Variants in ME1 observed in about 807,000 individuals in gnomAD.
ME1 encodes the protein NADP-dependent malic enzyme.
ME1 carries 74 observed loss-of-function variants against 66.4 expected under a neutral mutation model. That is an observed-to-expected ratio of 1.11 (90% confidence interval 0.92 to 1.35). The LOEUF (loss-of-function observed/expected upper bound fraction) is 1.35, where lower values mean the gene tolerates loss of function less well. Among genes scored for constraint, ME1 ranks in the 40% most tolerant of loss-of-function variants. The pLI, the probability that ME1 is intolerant of heterozygous loss-of-function variation, is 0.00. For missense variants in ME1, 750 were observed against 694.1 expected, an observed-to-expected ratio of 1.08 and a Z score of -0.90; for synonymous variants, 251 against 235.6, an observed-to-expected ratio of 1.07 and a Z score of -0.60.
intron 3 of ME1, among the ~76,000 whole-genome samples, chr6:83,367,905 G>A (rs1010996288): frequency 8.5e-5 from 13 of 152,144 alleles, no homozygotes; most frequent in African/African-American, 3.1e-4. Context: ...TGGCACAAGA[G>A]GCCTAGCTTG....
At chr6:83,302,571 C>T (rs1188451840) in intron 6 of ME1, among the ~76,000 whole-genome samples, 6 of 152,106 alleles carry the variant, frequency 3.9e-5, no homozygotes, top group Non-Finnish European at 4.4e-5. Context: ...CAAATAAATA[C>T]ATATAATTAC....
Position 83,431,002 on chromosome 6 carries a change from G to C in ME1, c.-48C>G. The C allele has an allele frequency of 1.6e-6, 2 of 1,254,540 alleles. No homozygotes were observed. Among genetic ancestry groups the C allele is most frequent in the Non-Finnish European group, 2.1e-6 (2 of 939,942 alleles). 77.7% of individuals were successfully genotyped at this position (1,254,540 alleles called of 1,614,324 possible). On this transcript the variant is annotated 5_prime_UTR_variant, in exon 1 of 14. Transcript: ENST00000369705. ...GGGGTCAGGCCGGGGCGGGCCGCAC[G>C]CGCGGTGCAGGCGGCGGATGCTGCT...
intron 3 of ME1, among the ~76,000 whole-genome samples, chr6:83,378,777 A>G (rs1411730195): frequency 6.6e-6 from 1 of 151,936 alleles, no homozygotes; most frequent in African/African-American, 2.4e-5. Context: ...GGCTTAATAC[A>G]TAAATGAGAC....
chr6:83,316,824 A>G (rs896306809), intron 5 of ME1, among the ~76,000 whole-genome samples: 1 of 152,118 alleles, frequency 6.6e-6, no homozygotes, highest in African/African-American at 2.4e-5. Flanking sequence ...CATTTATAAT[A>G]CCAGCCCAAA....
intron 1 of ME1, among the ~76,000 whole-genome samples, chr6:83,414,737 C>T (rs1021460569): frequency 6.6e-6 from 1 of 152,106 alleles, no homozygotes; most frequent in Non-Finnish European, 1.5e-5. Context: ...CTTTGTAAGG[C>T]TGAAAAATTG....
intron 13 of ME1, among the ~76,000 whole-genome samples, chr6:83,215,172 C>T (rs1189661048): frequency 1.3e-5 from 2 of 151,988 alleles, no homozygotes; most frequent in Admixed American, 6.5e-5. Context: ...CTTCAGTCAA[C>T]GAGATAAATA....
chr6:83,343,237 C>T (rs1272279989), intron 5 of ME1, among the ~76,000 whole-genome samples: 1 of 152,126 alleles, frequency 6.6e-6, no homozygotes. Context: ...ATGAGATCAA[C>T]TTTTTTAGCC....
intron 5 of ME1, among the ~76,000 whole-genome samples, chr6:83,316,695 A>G (rs2128539515): frequency 6.6e-6 from 1 of 152,254 alleles, no homozygotes; most frequent in Non-Finnish European, 1.5e-5. Context: ...AAAAAATCCC[A>G]GTAGAAAAAA....
chr6:83,367,416 C>A (rs192447528), intron 3 of ME1, among the ~76,000 whole-genome samples: 11 of 152,282 alleles, frequency 7.2e-5, no homozygotes, highest in African/African-American at 2.6e-4. Flanking sequence ...GCATTGAATT[C>A]TCCTCTCTAG....
chr6:83,314,929 G>A (rs1321167898), intron 6 of ME1, among the ~76,000 whole-genome samples: 1 of 152,100 alleles, frequency 6.6e-6, no homozygotes, highest in Non-Finnish European at 1.5e-5. Flanking sequence ...TCAAATACCA[G>A]CTACAAAGAT....
At chr6:83,265,308 T>C (rs1422176122) in intron 6 of ME1, among the ~76,000 whole-genome samples, 1 of 152,138 alleles carries the variant, frequency 6.6e-6, no homozygotes, top group East Asian at 1.9e-4. Context: ...TTTTATTTTA[T>C]TTTTTGGAGA....
intron 5 of ME1, among the ~76,000 whole-genome samples, chr6:83,319,712 C>T (rs1439827308): frequency 5.3e-5 from 8 of 152,202 alleles, no homozygotes; most frequent in Admixed American, 4.6e-4. Context: ...CAATGAACTA[C>T]AGAACCACCC....
chr6:83,320,184 C>T lies in ME1; in HGVS notation c.601-4771G>A, dbSNP rs545564165. Among the ~76,000 whole-genome samples the T allele has an allele frequency of 1.8e-3, 267 of 152,272 alleles. 1 individual carries two copies. The highest frequency in any genetic ancestry group is 0.01 in the Middle Eastern group (3 of 294). On this transcript the variant is annotated intron_variant, in intron 5 of 13. Transcript: ENST00000369705. Reference sequence around the variant, plus strand: ...CATTCCAGTCCAAACTGCCAGCCAACAGAATCATAAACATTAATAAAACAG... The same window carrying T: ...CATTCCAGTCCAAACTGCCAGCCAATAGAATCATAAACATTAATAAAACAG...
At chr6:83,265,510 A>T (rs1446109175) in intron 6 of ME1, among the ~76,000 whole-genome samples, 2 of 152,078 alleles carry the variant, frequency 1.3e-5, no homozygotes, top group Admixed American at 6.6e-5. Context: ...TACATTGCCC[A>T]GGCTAGTCTC....
At chr6:83,222,648 A>G (rs546359385) in intron 12 of ME1, among the ~76,000 whole-genome samples, 2 of 152,322 alleles carry the variant, frequency 1.3e-5, no homozygotes, top group South Asian at 4.1e-4. Flanking sequence ...ATATATGCCC[A>G]ATCACCGTAT....
At chr6:83,222,251 A>G (rs903673289) in intron 12 of ME1, among the ~76,000 whole-genome samples, 6 of 152,234 alleles carry the variant, frequency 3.9e-5, no homozygotes, top group African/African-American at 1.4e-4. Context: ...TCTGAGTTAA[A>G]GAAAACCTGT....
intron 1 of ME1, among the ~76,000 whole-genome samples, chr6:83,417,903 A>G (rs1254363950): frequency 5.9e-5 from 9 of 152,220 alleles, no homozygotes; most frequent in African/African-American, 1.7e-4. Context: ...TTTCCTTTGT[A>G]ATATTATGTA....
chr6:83,401,436 T>A (rs1769838179), intron 2 of ME1, among the ~76,000 whole-genome samples: 1 of 152,160 alleles, frequency 6.6e-6, no homozygotes, highest in Admixed American at 6.5e-5. Flanking sequence ...TGAATTGATG[T>A]TCAATATATA....
intron 7 of ME1, among the ~76,000 whole-genome samples, chr6:83,249,126 CATGT>C (rs762774090): frequency 1.3e-5 from 2 of 152,050 alleles, no homozygotes; most frequent in Admixed American, 6.6e-5. Context: ...CAATTACTTT[CATGT>C]ATCTCAAAAG....
Sources: gnomAD v4.1 joint callset for allele counts (sites outside exome capture counted in the v4.1 genomes callset) on GRCh38, gnomAD v4.1.1 for gene constraint, MANE v1.5 for transcripts, NCBI Gene and HGNC (gene_info 2026-07-23, HGNC 2026-07-21) for gene names.